The following MYOM1 variants were observed in gnomAD, a reference collection of about 807,000 sequenced individuals.
MYOM1 encodes the protein myomesin 1, also known as myomesin-1.
In MYOM1, 164 loss-of-function variants were observed where a neutral mutation model predicts 205.3. That is an observed-to-expected ratio of 0.80 (90% confidence interval 0.70 to 0.91). The LOEUF is 0.91. Ranked by LOEUF, MYOM1 falls within the 40% of genes least tolerant of loss-of-function variation. The pLI is 0.00. For synonymous variants in MYOM1, 772 were observed against 789.4 expected, an observed-to-expected ratio of 0.98 and a Z score of 0.37; for missense variants, 2,011 against 2,127.3, an observed-to-expected ratio of 0.95 and a Z score of 1.08.
chr18:3,179,044 T>C lies in MYOM1; in HGVS notation c.930-2910A>G, dbSNP rs1331599161. Reference sequence around the variant, plus strand: ...CACCACACTCAGCTAATTTTTTCTATTTTTTGTAGAGACAGGCTCTTGCTA... The same window carrying C: ...CACCACACTCAGCTAATTTTTTCTACTTTTTGTAGAGACAGGCTCTTGCTA... On this transcript the variant is annotated intron_variant, in intron 5 of 37. Transcript: ENST00000356443. This position sits in a 1 kb window ranked among gnomAD's most constrained non-coding sequence, Gnocchi z 4.4. Among the ~76,000 whole-genome samples the C allele has an allele frequency of 6.6e-6, 1 of 152,124 alleles. No homozygotes were observed. The highest frequency in any genetic ancestry group is 1.5e-5 in the Non-Finnish European group (1 of 68,022).
chr18:3,167,100 A>G (rs1028997319), intron 9 of MYOM1, among the ~76,000 whole-genome samples: 1 of 152,224 alleles, frequency 6.6e-6, no homozygotes, highest in Non-Finnish European at 1.5e-5. Flanking sequence ...AGGGAGGCAG[A>G]CAAGTCAGAG....
At chr18:3,226,431 G>A in the MYOM1 span, among the ~76,000 whole-genome samples, 2 of 151,874 alleles carry the variant, frequency 1.3e-5, no homozygotes, top group South Asian at 4.2e-4. This position sits in a 1 kb window ranked among gnomAD's most constrained non-coding sequence, Gnocchi z 4.6. Flanking sequence ...CTCCAGCTCC[G>A]CCCCTCTCCA....
At chr18:3,072,383 T>G (rs941952170) in intron 36 of MYOM1, among the ~76,000 whole-genome samples, 6 of 122,740 alleles carry the variant, frequency 4.9e-5, no homozygotes, top group African/African-American at 2.1e-4. Context: ...AGGCAGAGTC[T>G]CGCTCTGTCA....
At chr18:3,201,853 A>G (rs2081072785) in intron 2 of MYOM1, among the ~76,000 whole-genome samples, 2 of 152,102 alleles carry the variant, frequency 1.3e-5, no homozygotes, top group East Asian at 3.8e-4. Flanking sequence ...CATGCTGCCC[A>G]GGCTGGTCTC....
At chr18:3,221,524 A>C (rs2081329798), upstream of MYOM1, among the ~76,000 whole-genome samples, 1 of 152,236 alleles carries the variant, frequency 6.6e-6, no homozygotes. Context: ...CCAGAAGGGA[A>C]GGCATTTGCC....
chr18:3,137,076 G>C (rs577723139), intron 14 of MYOM1, among the ~76,000 whole-genome samples: 1 of 150,986 alleles, frequency 6.6e-6, no homozygotes, highest in Non-Finnish European at 1.5e-5. Flanking sequence ...TCAGCCTCCC[G>C]AGTAGCTGGG....
At position 3,071,858 on chromosome 18, in the gene MYOM1, G is replaced by T. The variant is rs201979586; in HGVS notation, c.4740C>A (p.Asp1580Glu). The T allele has an allele frequency of 1.2e-6, 2 of 1,604,854 alleles. No homozygotes were observed. Among genetic ancestry groups the T allele is most frequent in the African/African-American group, 2.7e-5 (2 of 74,716 alleles). Reference sequence around the variant, plus strand: ...CCTTCCCCTCCTGGATGGTGACCACGTCTGGGAGACCTCCCAACACCCGGG... The same window carrying T: ...CCTTCCCCTCCTGGATGGTGACCACTTCTGGGAGACCTCCCAACACCCGGG... ...NRARVLGGLP[D>E]VVTIQEGKAL... Residue 1580 changes from aspartate to glutamate, a missense_variant, in exon 37 of 38, where the codon GAC (aspartate) becomes GAA (glutamate). Asp to Glu is a conservative substitution (Grantham distance 45, BLOSUM62 2). Coordinates refer to ENST00000356443, the MANE Select transcript of MYOM1 (RefSeq NM_003803.4).
At chr18:3,223,729 C>T (rs1028311622), upstream of MYOM1, among the ~76,000 whole-genome samples, 2 of 152,186 alleles carry the variant, frequency 1.3e-5, no homozygotes, top group Admixed American at 6.5e-5. Context: ...ACAAATCATC[C>T]CTGATCCAAA....
chr18:3,131,260 G>T, intron 17 of MYOM1, 115 bp downstream of exon 17: 1 of 1,175,842 alleles, frequency 8.5e-7, no homozygotes, highest in Non-Finnish European at 1.2e-6. Context: ...ATCATCTAAG[G>T]ATGCAATCAT....
At chr18:3,188,658 T>G in intron 4 of MYOM1, 90 bp downstream of exon 4, 1 of 1,238,158 alleles carries the variant, frequency 8.1e-7, no homozygotes, top group Non-Finnish European at 1.1e-6. Context: ...AACAAATCAA[T>G]CTATATCTAC....
chr18:3,191,618 G>C (rs1598756823), intron 3 of MYOM1, among the ~76,000 whole-genome samples: 1 of 152,178 alleles, frequency 6.6e-6, no homozygotes, highest in East Asian at 1.9e-4. Flanking sequence ...CACAGTAACA[G>C]AGTATAGGTG....
At chr18:3,088,433 GTTTC>G (rs1241111908) in intron 29 of MYOM1, among the ~76,000 whole-genome samples, 2 of 152,070 alleles carry the variant, frequency 1.3e-5, no homozygotes, top group Admixed American at 6.5e-5. Flanking sequence ...ATAGACTGCT[GTTTC>G]TTTGAGTTTA....
chr18:3,236,177 C>T, the MYOM1 span, among the ~76,000 whole-genome samples: 2 of 151,828 alleles, frequency 1.3e-5, no homozygotes, highest in East Asian at 3.9e-4. Flanking sequence ...TTCACTTCAC[C>T]ATGGAGGGTG....
At chr18:3,160,100 CTCCT>C (rs1269228229) in intron 10 of MYOM1, among the ~76,000 whole-genome samples, 1 of 115,470 alleles carries the variant, frequency 8.7e-6, no homozygotes, top group East Asian at 2.9e-4. Context: ...TCTTCTCCTC[CTCCT>C]TCTTCTTCTT....
intron 25 of MYOM1, among the ~76,000 whole-genome samples, chr18:3,095,271 T>C (rs1412829843): frequency 6.6e-6 from 1 of 151,968 alleles, no homozygotes; most frequent in Non-Finnish European, 1.5e-5. Context: ...GGATGTGCTA[T>C]GAAGAGTAAA....
intron 36 of MYOM1, among the ~76,000 whole-genome samples, chr18:3,073,817 T>C (rs2078989839): frequency 1.3e-5 from 2 of 152,228 alleles, no homozygotes; most frequent in South Asian, 4.1e-4. Context: ...TCATCCACGG[T>C]AGACCTGGTA....
In MYOM1 at chr18:3,187,530, A is replaced by G; in HGVS notation, c.879T>C (p.Asn293=). 4.3e-6 allele frequency: 7 copies of G among 1,613,932 alleles called. No homozygotes were observed. Among genetic ancestry groups the G allele is most frequent in the Non-Finnish European group, 5.9e-6 (7 of 1,179,842 alleles). Residue 293 remains asparagine (N), a synonymous_variant, in exon 5 of 38, where the codon AAT becomes AAC. Transcript: ENST00000356443. The stretch of plus-strand genomic sequence containing the variant: ...CTGCTATGGAGCAATGCAATTTTAC[A>G]TTCTCCTTCTCCCAAACCGTGTGGG... ...PRSHTVWEKE[N]VKLHCSIAGW...
At chr18:3,154,416 A>G (rs1177114533) in intron 11 of MYOM1, among the ~76,000 whole-genome samples, 1 of 152,078 alleles carries the variant, frequency 6.6e-6, no homozygotes, top group Non-Finnish European at 1.5e-5. Flanking sequence ...GAGACCTAAC[A>G]GAGGCCATCT....
chr18:3,178,043 G>A (rs931920493), intron 5 of MYOM1, among the ~76,000 whole-genome samples: 3 of 152,126 alleles, frequency 2.0e-5, no homozygotes, highest in African/African-American at 7.2e-5. Flanking sequence ...ACTTCCTCAT[G>A]TTCTCAGTAG....
Sources: allele counts gnomAD v4.1 joint callset (sites outside exome capture counted in the v4.1 genomes callset), GRCh38; gene constraint gnomAD v4.1.1; non-coding constraint Gnocchi (gnomAD v3.1); transcripts MANE v1.5; gene names NCBI Gene and HGNC (gene_info 2026-07-23, HGNC 2026-07-21).